Variants in GPC5 observed in about 807,000 individuals in gnomAD.
The protein encoded by GPC5 is glypican 5.
GPC5 carries 47 observed loss-of-function variants against 53.9 expected under a neutral mutation model. The observed-to-expected ratio is 0.87, with a 90% CI of 0.69 to 1.11. The LOEUF (loss-of-function observed/expected upper bound fraction) is 1.11, where lower values mean the gene tolerates loss of function less well. Among genes scored for constraint, GPC5 ranks in the 50% most tolerant of loss-of-function variants. The pLI, the probability that GPC5 is intolerant of heterozygous loss-of-function variation, is 0.00. For synonymous variants in GPC5, 286 were observed against 263.3 expected (o/e 1.09, Z -0.84); for missense variants, 748 against 713.1 (o/e 1.05, Z -0.56).
chr13:91,701,692 T>C (rs1225424580), intron 3 of GPC5, among the ~76,000 whole-genome samples: 1 of 152,110 alleles, frequency 6.6e-6, no homozygotes, highest in African/African-American at 2.4e-5. Context: ...TATCTATTCA[T>C]CTGTTGATGG....
chr13:92,700,431 C>T (rs1049581988), intron 7 of GPC5, among the ~76,000 whole-genome samples: 13 of 151,844 alleles, frequency 8.6e-5, no homozygotes, highest in Non-Finnish European at 1.8e-4. Flanking sequence ...GGGCAATTAG[C>T]CCATTTACAT....
intron 6 of GPC5, among the ~76,000 whole-genome samples, chr13:92,137,877 A>T (rs2041797563): frequency 6.6e-6 from 1 of 152,172 alleles, no homozygotes; most frequent in South Asian, 2.1e-4. Context: ...TTTAAGTTTT[A>T]AAAAATTATT....
At chr13:91,869,795 A>C (rs1315362404) in intron 5 of GPC5, among the ~76,000 whole-genome samples, 2 of 152,162 alleles carry the variant, frequency 1.3e-5, no homozygotes, top group Non-Finnish European at 2.9e-5. Flanking sequence ...TTGTAGCGGA[A>C]GGTGAGGGGA....
intron 6 of GPC5, among the ~76,000 whole-genome samples, chr13:92,032,779 A>G (rs2040862935): frequency 1.3e-5 from 2 of 152,174 alleles, no homozygotes; most frequent in African/African-American, 4.8e-5. Context: ...ATGGCCAAGG[A>G]GGCCCACATT....
At chr13:92,317,470 T>TTTTTTTG (rs59169565) in intron 7 of GPC5, among the ~76,000 whole-genome samples, 4,049 of 151,836 alleles carry the variant, frequency 0.027, 160 homozygotes, top group African/African-American at 0.092. Context: ...ACCTTTTCCG[T>TTTTTTTG]TTTTTTGTTT....
At chr13:91,471,830 T>C (rs1280175363) in intron 2 of GPC5, among the ~76,000 whole-genome samples, 2 of 152,138 alleles carry the variant, frequency 1.3e-5, no homozygotes, top group East Asian at 1.9e-4. Context: ...GACCCTTTTG[T>C]TACCGAGCAG....
intron 5 of GPC5, among the ~76,000 whole-genome samples, chr13:91,779,756 C>T (rs953170966): frequency 1.3e-5 from 2 of 152,148 alleles, no homozygotes; most frequent in South Asian, 2.1e-4. Context: ...TCAGTGTCTT[C>T]TGCCTCCACA....
chr13:92,101,819 T>A (rs762729190), intron 6 of GPC5, among the ~76,000 whole-genome samples: 1 of 152,206 alleles, frequency 6.6e-6, no homozygotes, highest in Non-Finnish European at 1.5e-5. Context: ...AATCCTGACT[T>A]CTTTTAGTTT....
intron 5 of GPC5, among the ~76,000 whole-genome samples, chr13:91,893,080 T>C (rs527660927): frequency 6.6e-6 from 1 of 152,010 alleles, no homozygotes; most frequent in Non-Finnish European, 1.5e-5. Flanking sequence ...ACTCATAAGA[T>C]GTAGCTGTTT....
chr13:91,865,377 T>A (rs1009938145), intron 5 of GPC5, among the ~76,000 whole-genome samples: 3 of 152,048 alleles, frequency 2.0e-5, no homozygotes, highest in African/African-American at 7.2e-5. Context: ...GAATTAAAAA[T>A]AATAATAATA....
intron 2 of GPC5, among the ~76,000 whole-genome samples, chr13:91,578,969 C>T (rs1166121336): frequency 1.3e-5 from 2 of 151,924 alleles, no homozygotes; most frequent in African/African-American, 2.4e-5. Context: ...TTGCTTGAGC[C>T]CAGGAGGCAA....
chr13:91,693,836 T>A lies in GPC5; in HGVS notation c.975T>A (p.Asp325Glu), dbSNP rs745613733. 1.9e-6 allele frequency: 3 copies of A among 1,611,290 alleles called. No homozygotes were observed. The highest frequency in any genetic ancestry group is 1.1e-5 in the South Asian group (1 of 91,048). ...VLLNFHLLVN[D>E]AVLQAHLNGQ... ...TGAACTTTCACTTGCTTGTTAATGA[T>A]GCTGTGTTACAGGCTCACCTCAATG... is the stretch of plus-strand genomic sequence containing the variant. The change falls in exon 3 of 8, where the codon GAT becomes GAA. Residue 325 changes from aspartate (D) to glutamate (E), a missense_variant. Physicochemically the swap from Asp to Glu is conservative, Grantham distance 45. Coordinates refer to ENST00000377067, the MANE Select transcript of GPC5 (RefSeq NM_004466.6).
intron 5 of GPC5, among the ~76,000 whole-genome samples, chr13:91,837,069 T>G (rs775142106): frequency 3.3e-5 from 5 of 149,914 alleles, no homozygotes; most frequent in Non-Finnish European, 7.4e-5. Flanking sequence ...ATTTATTTAT[T>G]GATTTGAATT....
intron 2 of GPC5, among the ~76,000 whole-genome samples, chr13:91,548,371 AC>A (rs1430203997): frequency 6.6e-6 from 1 of 152,172 alleles, no homozygotes; most frequent in Non-Finnish European, 1.5e-5. Context: ...TTAAATCAGC[AC>A]CAAAAGTGAA....
At chr13:92,729,161 G>C (rs1187340655) in intron 7 of GPC5, among the ~76,000 whole-genome samples, 1 of 151,168 alleles carries the variant, frequency 6.6e-6, no homozygotes, top group Non-Finnish European at 1.5e-5. Flanking sequence ...CTCATCCTTT[G>C]TTATCTACCA....
At chr13:91,700,069 C>G (rs950698870) in intron 3 of GPC5, among the ~76,000 whole-genome samples, 2 of 152,126 alleles carry the variant, frequency 1.3e-5, no homozygotes, top group Non-Finnish European at 2.9e-5. Flanking sequence ...ATTTCAGCCT[C>G]TGCTGGTAGG....
At chr13:92,073,533 G>C (rs1325667494) in intron 6 of GPC5, among the ~76,000 whole-genome samples, 1 of 152,084 alleles carries the variant, frequency 6.6e-6, no homozygotes, top group African/African-American at 2.4e-5. Context: ...CTAGTTCTTC[G>C]CAGTGTTCAT....
chr13:92,163,086 G>T (rs899853416), intron 7 of GPC5, among the ~76,000 whole-genome samples: 2 of 152,046 alleles, frequency 1.3e-5, no homozygotes, highest in African/African-American at 4.8e-5. Context: ...ATATATGAAT[G>T]AGTGAAGGAA....
At chr13:92,512,958 C>G (rs565287053) in intron 7 of GPC5, among the ~76,000 whole-genome samples, 1 of 152,118 alleles carries the variant, frequency 6.6e-6, no homozygotes, top group Non-Finnish European at 1.5e-5. Flanking sequence ...GCACGTGATG[C>G]GATGTTGTCA....
Sources: gnomAD v4.1 joint callset for allele counts (sites outside exome capture counted in the v4.1 genomes callset) on GRCh38, gnomAD v4.1.1 for gene constraint, MANE v1.5 for transcripts, NCBI Gene and HGNC (gene_info 2026-07-23, HGNC 2026-07-21) for gene names.